The following RHOJ variants were observed in gnomAD, a reference collection of about 807,000 sequenced individuals.
The protein encoded by RHOJ is rho-related GTP-binding protein RhoJ.
A neutral mutation model predicts 23.4 loss-of-function variants in RHOJ; 11 were observed. That is an observed-to-expected ratio of 0.47 (90% CI 0.30 to 0.78). The LOEUF (loss-of-function observed/expected upper bound fraction) is 0.78. RHOJ is among the 30% of genes least tolerant of loss of function. The pLI is 0.08. For synonymous variants in RHOJ, 102 were observed against 102.7 expected (o/e 0.99, Z 0.04); for missense variants, 254 against 273.4 (o/e 0.93, Z 0.50).
At chr14:63,212,980 T>C (rs941315655) in intron 1 of RHOJ, among the ~76,000 whole-genome samples, 12 of 152,212 alleles carry the variant, frequency 7.9e-5, no homozygotes, top group Admixed American at 6.5e-5. Flanking sequence ...CTCTGTTTTG[T>C]CACCATCTGC....
intron 1 of RHOJ, among the ~76,000 whole-genome samples, chr14:63,260,960 C>G (rs1006090535): frequency 5.3e-5 from 8 of 152,046 alleles, no homozygotes; most frequent in Non-Finnish European, 1.2e-4. Flanking sequence ...AGAAATAAGA[C>G]TGCCGAGTCA....
chr14:63,216,342 A>T (rs574083052), intron 1 of RHOJ, among the ~76,000 whole-genome samples: 1 of 152,358 alleles, frequency 6.6e-6, no homozygotes, highest in South Asian at 2.1e-4. Context: ...AAGAGGAAAA[A>T]TAATCAGCAA....
intron 1 of RHOJ, among the ~76,000 whole-genome samples, chr14:63,227,163 G>T (rs368943596): frequency 3.3e-5 from 5 of 152,094 alleles, no homozygotes; most frequent in African/African-American, 1.2e-4. Context: ...TGTTGGCCAG[G>T]CTGGTCTCGA....
intron 2 of RHOJ, among the ~76,000 whole-genome samples, chr14:63,271,906 G>C (rs6573502): frequency 0.044 from 6,754 of 152,262 alleles, 524 homozygotes; most frequent in African/African-American, 0.15. Context: ...ATTTCTAACA[G>C]GTTTTCTGGC....
intron 1 of RHOJ, among the ~76,000 whole-genome samples, chr14:63,214,126 A>T (rs1894299780): frequency 6.6e-6 from 1 of 152,228 alleles, no homozygotes; most frequent in African/African-American, 2.4e-5. Flanking sequence ...TACATATGAC[A>T]TACCTATATT....
chr14:63,276,721 C>T (rs530782196), intron 2 of RHOJ, among the ~76,000 whole-genome samples: 10 of 152,218 alleles, frequency 6.6e-5, no homozygotes, highest in Non-Finnish European at 1.3e-4. Flanking sequence ...CTTCTCTCAC[C>T]TGCCCCACCT....
chr14:63,269,236 T>G (rs10145453), intron 2 of RHOJ, 68 bp downstream of exon 2: 251,277 of 1,135,718 alleles, frequency 0.22, 31,913 homozygotes, highest in African/African-American at 0.52. Flanking sequence ...CATTTGCTTA[T>G]GCAGATGGGA....
At chr14:63,247,527 G>A (rs937440321) in intron 1 of RHOJ, among the ~76,000 whole-genome samples, 4 of 152,022 alleles carry the variant, frequency 2.6e-5, no homozygotes, top group African/African-American at 9.7e-5. Flanking sequence ...CATTTTCATT[G>A]TAAATTCTCT....
intron 1 of RHOJ, among the ~76,000 whole-genome samples, chr14:63,255,003 C>T (rs1445991691): frequency 1.3e-5 from 2 of 152,202 alleles, no homozygotes; most frequent in African/African-American, 4.8e-5. Context: ...TCGCTCACTT[C>T]CCTCCCTTTA....
At chr14:63,254,728 C>G (rs1405778168) in intron 1 of RHOJ, among the ~76,000 whole-genome samples, 1 of 152,034 alleles carries the variant, frequency 6.6e-6, no homozygotes, top group Non-Finnish European at 1.5e-5. Flanking sequence ...GTGCAACTTC[C>G]CCAGCTGCTC....
chr14:63,237,558 T>C (rs1195945481), intron 1 of RHOJ, among the ~76,000 whole-genome samples: 1 of 152,212 alleles, frequency 6.6e-6, no homozygotes, highest in African/African-American at 2.4e-5. Context: ...GTATGTGGCA[T>C]GCATCCTGTT....
intron 1 of RHOJ, among the ~76,000 whole-genome samples, chr14:63,241,750 T>C (rs1195710275): frequency 6.6e-6 from 1 of 152,138 alleles, no homozygotes; most frequent in East Asian, 1.9e-4. Flanking sequence ...CACTGGTTGA[T>C]CCAGTAGCAA....
intron 1 of RHOJ, among the ~76,000 whole-genome samples, chr14:63,211,066 T>G (rs1158038237): frequency 6.6e-6 from 1 of 152,206 alleles, no homozygotes; most frequent in Non-Finnish European, 1.5e-5. Context: ...AAGGAAGTTG[T>G]TTTTACAGAA....
intron 1 of RHOJ, among the ~76,000 whole-genome samples, chr14:63,228,482 A>G (rs369386785): frequency 1.1e-4 from 16 of 152,354 alleles, no homozygotes; most frequent in African/African-American, 3.6e-4. Context: ...AAAGGATGAC[A>G]CACTCATAAA....
At chr14:63,234,916 TAAAG>T (rs1894761680) in intron 1 of RHOJ, among the ~76,000 whole-genome samples, 1 of 152,198 alleles carries the variant, frequency 6.6e-6, no homozygotes. Context: ...GGTGCCCCGT[TAAAG>T]AAATTAGTTC....
chr14:63,220,484 T>A (rs1432010971), intron 1 of RHOJ, among the ~76,000 whole-genome samples: 10 of 148,698 alleles, frequency 6.7e-5, no homozygotes, highest in Non-Finnish European at 1.3e-4. Flanking sequence ...TTACGTTAAA[T>A]AGAAAAAAAA....
In RHOJ at chr14:63,293,374, G is replaced by A. The variant is rs1882311698; in HGVS notation, c.*2350G>A. On this transcript the variant is annotated 3_prime_UTR_variant, in exon 5 of 5. Coordinates refer to ENST00000316754, the MANE Select transcript of RHOJ (RefSeq NM_020663.5). Reference sequence around the variant, plus strand: ...CCACTTCCCTAATGGGCCACAGGAAGTAAGTTGATCTTGATGGGGAGATCA... The same window carrying A: ...CCACTTCCCTAATGGGCCACAGGAAATAAGTTGATCTTGATGGGGAGATCA... 6.6e-6 allele frequency among the ~76,000 whole-genome samples: 1 copy of A among 152,208 alleles called. No individual in the cohort carries two copies. Among genetic ancestry groups the A allele is most frequent in the Admixed American group, 6.5e-5 (1 of 15,284 alleles).
chr14:63,273,541 A>G (rs1005987477), intron 2 of RHOJ, among the ~76,000 whole-genome samples: 3 of 152,188 alleles, frequency 2.0e-5, no homozygotes, highest in Non-Finnish European at 4.4e-5. Context: ...AACCCTGGGC[A>G]TTCACCAGCT....
intron 1 of RHOJ, among the ~76,000 whole-genome samples, chr14:63,268,644 TTTG>T (rs1237070294): frequency 6.6e-6 from 1 of 152,228 alleles, no homozygotes; most frequent in Non-Finnish European, 1.5e-5. Context: ...GATAATATTC[TTTG>T]TTTTTAGGGT....
Sources: gnomAD v4.1 joint callset for allele counts (sites outside exome capture counted in the v4.1 genomes callset) on GRCh38, gnomAD v4.1.1 for gene constraint, MANE v1.5 for transcripts, NCBI Gene and HGNC (gene_info 2026-07-23, HGNC 2026-07-21) for gene names.